Variants in EYA1 observed in about 807,000 individuals in gnomAD.
The protein encoded by EYA1 is EYA transcriptional coactivator and phosphatase 1.
Under a neutral mutation model 82.0 loss-of-function variants are expected in EYA1, and 16 were observed. The ratio of observed to expected loss-of-function variants is 0.20; its 90% CI spans 0.13 to 0.30. The LOEUF is 0.30. Among genes scored for constraint, EYA1 ranks in the 10% least tolerant of loss-of-function variants. EYA1 has a pLI of 1.00. For synonymous variants in EYA1, 261 were observed against 264.4 expected (o/e 0.99, Z 0.12); for missense variants, 633 against 730.7 (o/e 0.87, Z 1.54).
intron 9 of EYA1, among the ~76,000 whole-genome samples, chr8:71,294,815 C>A (rs1473744897): frequency 6.6e-6 from 1 of 152,104 alleles, no homozygotes; most frequent in East Asian, 1.9e-4. Context: ...AGTTGGAAGA[C>A]AGACACTGTC....
At chr8:71,334,243 A>G (rs941761635) in intron 3 of EYA1, 69 bp from the exon 4 acceptor site, 6 of 1,156,172 alleles carry the variant, frequency 5.2e-6, no homozygotes, top group Admixed American at 1.7e-5. Context: ...AAGAGAAGAT[A>G]TAACATTCAG....
At chr8:71,406,646 G>A (rs543307595) in intron 2 of EYA1, among the ~76,000 whole-genome samples, 8 of 152,330 alleles carry the variant, frequency 5.3e-5, no homozygotes, top group Non-Finnish European at 5.9e-5. Context: ...ACTCTCACCC[G>A]AATATTGCGC....
chr8:71,542,167 G>A (rs1183018103), intron 1 of EYA1, among the ~76,000 whole-genome samples: 1 of 151,962 alleles, frequency 6.6e-6, no homozygotes, highest in African/African-American at 2.4e-5. Context: ...CATCACCTAG[G>A]TATTAAGCCT....
chr8:71,293,917 G>C (rs1412067853), intron 9 of EYA1, among the ~76,000 whole-genome samples: 1 of 150,526 alleles, frequency 6.6e-6, no homozygotes, highest in Admixed American at 6.7e-5. Flanking sequence ...GTTCGACATT[G>C]TACAAGTCCT....
chr8:71,359,396 G>C (rs992294935), intron 1 of EYA1, among the ~76,000 whole-genome samples: 1 of 152,092 alleles, frequency 6.6e-6, no homozygotes, highest in Non-Finnish European at 1.5e-5. Context: ...ATTATTTCCA[G>C]AAGGCAAACT....
At chr8:71,205,841 T>C (rs1051975765) in intron 17 of EYA1, among the ~76,000 whole-genome samples, 1 of 152,124 alleles carries the variant, frequency 6.6e-6, no homozygotes, top group South Asian at 2.1e-4. Context: ...AAGAAGAGCA[T>C]GTTGTATTAG....
At position 71,396,144 on chromosome 8, in the gene EYA1, T is replaced by C. The variant is rs567765843; in HGVS notation, c.34-39633A>G. ...TGTGGGATCGGTGGTGATATCCCCTTTCTCATTTTTTATTGTGTCTATTTG... is the reference window on the plus strand; with the variant it reads ...TGTGGGATCGGTGGTGATATCCCCTCTCTCATTTTTTATTGTGTCTATTTG... On this transcript the variant is annotated intron_variant, in intron 2 of 18. Coordinates refer to the EYA1 transcript ENST00000643681. Among the ~76,000 whole-genome samples the C allele has an allele frequency of 7.6e-4, 115 of 152,298 alleles. 1 individual carries two copies. Among genetic ancestry groups the C allele is most frequent in the African/African-American group, 2.7e-3 (112 of 41,552 alleles).
intron 2 of EYA1, among the ~76,000 whole-genome samples, chr8:71,503,850 C>G (rs558121024): frequency 1.1e-4 from 17 of 152,172 alleles, no homozygotes; most frequent in Non-Finnish European, 2.4e-4. Flanking sequence ...GGACTTGAAT[C>G]TAGGTGTCTC....
upstream of EYA1, chr8:71,362,281 G>GT (rs1351515996): frequency 6.4e-6 from 5 of 779,178 alleles, no homozygotes; most frequent in East Asian, 1.9e-4. Flanking sequence ...CAACCTTGCT[G>GT]TTTAAAAAAA....
At chr8:71,441,218 C>T (rs1247456520) in intron 2 of EYA1, among the ~76,000 whole-genome samples, 1 of 152,130 alleles carries the variant, frequency 6.6e-6, no homozygotes, top group Non-Finnish European at 1.5e-5. Flanking sequence ...CTATGATCTG[C>T]TTTTGAGTCA....
At chr8:71,460,909 G>A (rs981820506) in intron 2 of EYA1, among the ~76,000 whole-genome samples, 6 of 152,140 alleles carry the variant, frequency 3.9e-5, no homozygotes, top group African/African-American at 1.2e-4. Context: ...TAGCTGTAGC[G>A]CCTTTGAAGT....
intron 2 of EYA1, among the ~76,000 whole-genome samples, chr8:71,426,542 C>T (rs921122782): frequency 3.9e-5 from 6 of 152,212 alleles, no homozygotes; most frequent in African/African-American, 9.6e-5. Context: ...CTGGCCTAAC[C>T]GGAGGGCTGT....
At position 71,456,611 on chromosome 8, in the gene EYA1, A is replaced by G. The variant is rs192039282; in HGVS notation, c.33+79133T>C. Among the ~76,000 whole-genome samples the G allele has an allele frequency of 3.3e-5, 5 of 152,226 alleles. No individual in the cohort carries two copies. The East Asian group carries it at 9.7e-4, about 29-fold the overall frequency. ...CCTCAGAAATAATATCACACCATCT[A>G]CAACCATGTGATCTTTGACAAACCT... is the stretch of plus-strand genomic sequence containing the variant. On this transcript the variant is annotated intron_variant, in intron 2 of 18. Coordinates refer to the EYA1 transcript ENST00000643681.
chr8:71,498,951 C>G (rs1195526688), intron 2 of EYA1, among the ~76,000 whole-genome samples: 1 of 152,294 alleles, frequency 6.6e-6, no homozygotes, highest in East Asian at 1.9e-4. Context: ...AACTCCCAAA[C>G]AGAAACTAGG....
rs1043618732 is a variant in EYA1 at position 71,269,678 on chromosome 8, T to A, written c.1050+62A>T. The A allele has an allele frequency of 4.3e-6, 5 of 1,166,138 alleles. No individual in the cohort carries two copies. The African/African-American group carries it at 6.1e-5, about 14-fold the overall frequency. 72.2% of individuals were successfully genotyped at this position (1,166,138 alleles called of 1,614,324 possible). ...AGTTAAATTACATTCATTTGGATAATAAACAAATTAGAGGTATATTTACTC... is the reference window on the plus strand; with the variant it reads ...AGTTAAATTACATTCATTTGGATAAAAAACAAATTAGAGGTATATTTACTC... On this transcript the variant is annotated intron_variant, in intron 11 of 17. Transcript: ENST00000340726.
At chr8:71,235,025 C>T (rs1039695957) in intron 12 of EYA1, among the ~76,000 whole-genome samples, 6 of 152,112 alleles carry the variant, frequency 3.9e-5, no homozygotes, top group African/African-American at 1.4e-4. Flanking sequence ...ACGTCTGATC[C>T]ATTAGCAAAT....
intron 2 of EYA1, among the ~76,000 whole-genome samples, chr8:71,461,367 C>G (rs1250100752): frequency 6.6e-6 from 1 of 152,174 alleles, no homozygotes; most frequent in East Asian, 1.9e-4. Context: ...GTGGGGCAGG[C>G]AGCTCCAGGT....
intron 9 of EYA1, among the ~76,000 whole-genome samples, chr8:71,278,644 C>A (rs1817475426): frequency 1.3e-5 from 2 of 152,024 alleles, no homozygotes; most frequent in South Asian, 4.1e-4. Context: ...TTTTTCATAT[C>A]TACTGATACT....
chr8:71,524,709 C>T (rs1007097401), intron 2 of EYA1, among the ~76,000 whole-genome samples: 5 of 152,064 alleles, frequency 3.3e-5, no homozygotes, highest in Admixed American at 3.3e-4. Flanking sequence ...CTGAATTAAG[C>T]AATAACAAGA....
Sources: gnomAD v4.1 joint callset for allele counts (sites outside exome capture counted in the v4.1 genomes callset) on GRCh38, gnomAD v4.1.1 for gene constraint, MANE v1.5 for transcripts, NCBI Gene and HGNC (gene_info 2026-07-23, HGNC 2026-07-21) for gene names.